LCOR: variants seen among roughly 807,000 people sequenced by gnomAD.
LCOR encodes the protein ligand dependent nuclear receptor corepressor, also known as ligand-dependent corepressor.
A neutral mutation model predicts 64.4 loss-of-function variants in LCOR; 14 were observed. That is an observed-to-expected ratio of 0.22 (90% CI 0.14 to 0.34). The LOEUF is 0.34. Ranked by LOEUF, LCOR falls within the 10% of genes least tolerant of loss-of-function variation. The pLI is 1.00. For synonymous variants in LCOR, 643 were observed against 642.5 expected (o/e 1.00, Z -0.01); for missense variants, 1,686 against 1,765.3 (o/e 0.96, Z 0.80).
intron 7 of LCOR, chr10:96,955,194 G>A: frequency 6.2e-7 from 1 of 1,614,156 alleles, no homozygotes; most frequent in Non-Finnish European, 8.5e-7. Flanking sequence ...ATTATCCAGG[G>A]AAGCCTCTTG....
intron 2 of LCOR, among the ~76,000 whole-genome samples, chr10:96,883,499 T>G (rs184765741): frequency 2.6e-5 from 4 of 152,376 alleles, no homozygotes; most frequent in Admixed American, 2.6e-4. Context: ...GCCCCATGTT[T>G]TCACCAGCAT....
chr10:96,899,441 C>G (rs992276594), intron 2 of LCOR, among the ~76,000 whole-genome samples: 2 of 151,934 alleles, frequency 1.3e-5, no homozygotes, highest in Admixed American at 1.3e-4. Flanking sequence ...TTCTTGATGG[C>G]TTTGTGAATA....
intron 2 of LCOR, among the ~76,000 whole-genome samples, chr10:96,873,846 G>T (rs556074171): frequency 6.6e-6 from 1 of 152,062 alleles, no homozygotes; most frequent in Non-Finnish European, 1.5e-5. Flanking sequence ...TGTTAATTCT[G>T]TGGTGAACAA....
intron 2 of LCOR, among the ~76,000 whole-genome samples, chr10:96,899,114 G>A (rs1393891447): frequency 4.6e-5 from 7 of 152,234 alleles, no homozygotes; most frequent in Non-Finnish European, 4.4e-5. Flanking sequence ...GAATATAGAC[G>A]AAATCTATGA....
Position 96,983,171 on chromosome 10 carries a change from G to T in LCOR, c.2711G>T (p.Gly904Val), listed in dbSNP as rs765185337. ...GATGCTGAGCAGGAGGGCGAAGGCG[G>T]GGGGATCATCACCAGGCAGACTTTG... ...EKDAEQEGEG[G>V]GIITRQTLKN... The change falls in exon 8 of 8, where the codon GGG becomes GTG. Residue 904 changes from glycine (G) to valine (V), a missense_variant. Coordinates refer to ENST00000421806, the MANE Select transcript of LCOR (RefSeq NM_001346516.2). The surrounding 1 kb of genome is among the most constrained non-coding windows in gnomAD (Gnocchi z 4.5). 7 of 1,614,006 alleles carry T rather than the reference G, an allele frequency of 4.3e-6. No individual in the cohort carries two copies. In the African/African-American group the frequency reaches 9.3e-5, roughly 22 times the overall value.
chr10:96,940,303 A>ATTTTT lies in LCOR; in HGVS notation c.-183-3783_-183-3779dup, dbSNP rs552752409. On this transcript the variant is annotated intron_variant, in intron 4 of 7. Coordinates refer to ENST00000421806, the MANE Select transcript of LCOR (RefSeq NM_001346516.2). ...TACAACTATAATAAAGGTGGTCATG[A>ATTTTT]TTTTTTTTTTTTTTTTTTTTTTTTT... is the stretch of plus-strand genomic sequence containing the variant. 1.8e-3 allele frequency among the ~76,000 whole-genome samples: 118 copies of ATTTTT among 65,466 alleles called. 1 individual carries two copies. The highest frequency in any genetic ancestry group is 2.3e-3 in the Non-Finnish European group (85 of 36,176). 42.9% of individuals were successfully genotyped at this position (65,466 alleles called of 152,430 possible).
At chr10:96,926,430 C>T (rs577785544) in intron 4 of LCOR, among the ~76,000 whole-genome samples, 3 of 152,254 alleles carry the variant, frequency 2.0e-5, no homozygotes, top group Admixed American at 6.5e-5. Flanking sequence ...ATCTTTGTGA[C>T]ATATCTTTGT....
At chr10:96,850,362 C>A (rs1337091403) in intron 2 of LCOR, among the ~76,000 whole-genome samples, 1 of 152,110 alleles carries the variant, frequency 6.6e-6, no homozygotes, top group East Asian at 1.9e-4. Flanking sequence ...CTGGTCTGGA[C>A]AACATAGTGA....
chr10:96,873,902 G>C (rs922978432), intron 2 of LCOR, among the ~76,000 whole-genome samples: 4 of 152,244 alleles, frequency 2.6e-5, no homozygotes, highest in African/African-American at 9.6e-5. Context: ...TGTGGGGGAA[G>C]GGATAGCATC....
At chr10:96,864,614 G>A (rs1845940525) in intron 2 of LCOR, among the ~76,000 whole-genome samples, 1 of 152,174 alleles carries the variant, frequency 6.6e-6, no homozygotes, top group Non-Finnish European at 1.5e-5. Flanking sequence ...TTCTCTGCAT[G>A]TATGTATGGT....
At chr10:96,897,165 C>A (rs973544995) in intron 2 of LCOR, among the ~76,000 whole-genome samples, 4 of 149,368 alleles carry the variant, frequency 2.7e-5, no homozygotes, top group Non-Finnish European at 1.5e-5. Context: ...GTTTTGGTAT[C>A]TTTGAGAAAA....
At chr10:96,956,090 A>G in intron 7 of LCOR, 3 of 1,428,240 alleles carry the variant, frequency 2.1e-6, no homozygotes, top group Non-Finnish European at 2.7e-6. Context: ...AATGTTGCAT[A>G]TTTTAAATTT....
At chr10:96,861,278 A>G (rs910185353) in intron 2 of LCOR, among the ~76,000 whole-genome samples, 3 of 152,222 alleles carry the variant, frequency 2.0e-5, no homozygotes, top group African/African-American at 7.2e-5. Context: ...AAAATTCACT[A>G]AAATGAAATA....
intron 4 of LCOR, among the ~76,000 whole-genome samples, chr10:96,929,860 G>T (rs901355172): frequency 1.3e-5 from 2 of 152,158 alleles, no homozygotes; most frequent in East Asian, 3.8e-4. Context: ...TCTATATTGT[G>T]TCTCAGGGAA....
chr10:96,870,178 A>C (rs1299549173), intron 2 of LCOR, among the ~76,000 whole-genome samples: 4 of 151,446 alleles, frequency 2.6e-5, no homozygotes, highest in African/African-American at 7.3e-5. Flanking sequence ...GCCCGCCACC[A>C]CGCCCGGCTA....
chr10:96,848,918 G>T, intron 2 of LCOR, among the ~76,000 whole-genome samples: 1 of 145,204 alleles, frequency 6.9e-6, no homozygotes, highest in Non-Finnish European at 1.5e-5. Context: ...CTTTTTCCTT[G>T]TTTTTGTGCA....
Position 96,981,055 on chromosome 10 carries a change from T to G in LCOR, c.595T>G (p.Ser199Ala). The change falls in exon 8 of 8, where the codon TCT becomes GCT. Residue 199 changes from serine (S) to alanine (A), a missense_variant. This residue lies in a region of LCOR where 313 missense variants were observed against 247.2 expected (regional missense o/e 1.27). Transcript: ENST00000421806. ...AGATGCTCTGTGTCTCGATATGAAG[T>G]CTTCTGCTTCTGTAGATTTGTTCGT... ...EKDALCLDMK[S>A]SASVDLFVDS... is the part of the protein sequence containing the mutation. 2.8e-6 allele frequency: 2 copies of G among 702,986 alleles called. No homozygotes were observed. The highest frequency in any genetic ancestry group is 3.0e-5 in the South Asian group (2 of 67,596). 43.5% of individuals were successfully genotyped at this position (702,986 alleles called of 1,614,324 possible). A position where few individuals can be genotyped will look rare whatever the true frequency, so the allele number is the denominator to read the frequency against.
rs1448085738 is a variant in LCOR, at chr10:96,980,753, A to C, written c.333-40A>C. The C allele has an allele frequency of 8.0e-6, 5 of 627,864 alleles. No homozygotes were observed. The Admixed American group carries it at 1.4e-4, about 17-fold the overall frequency. The allele number at this position is 627,864 out of a possible 1,614,324, so 38.9% of individuals were successfully genotyped here. A position where few individuals can be genotyped will look rare whatever the true frequency, so the allele number is the denominator to read the frequency against. On this transcript the variant is annotated intron_variant, in intron 7 of 7. Coordinates refer to ENST00000421806, the MANE Select transcript of LCOR (RefSeq NM_001346516.2). ...ATAATGTAAAAATGGTTCTTTGGTA[A>C]ATGACAATACTAATTCCTTCTTTCT...
intron 2 of LCOR, among the ~76,000 whole-genome samples, chr10:96,876,362 A>G (rs1330045287): frequency 4.6e-5 from 7 of 152,224 alleles, no homozygotes; most frequent in African/African-American, 7.2e-5. Flanking sequence ...CCTACTTCCA[A>G]ATACCATAAA....
Sources: allele counts gnomAD v4.1 joint callset (sites outside exome capture counted in the v4.1 genomes callset), GRCh38; gene constraint gnomAD v4.1.1; regional missense constraint gnomAD v4.1.1; non-coding constraint Gnocchi (gnomAD v3.1); transcripts MANE v1.5; gene names NCBI Gene and HGNC (gene_info 2026-07-23, HGNC 2026-07-21).